The following URI1 variants were observed in gnomAD, a reference collection of about 807,000 sequenced individuals.
URI1 encodes unconventional prefoldin RPB5 interactor 1.
A neutral mutation model predicts 60.2 loss-of-function variants in URI1; 39 were observed. The observed-to-expected ratio is 0.65, with a 90% CI of 0.50 to 0.85. The LOEUF is 0.85. Among genes scored for constraint, URI1 ranks in the 40% least tolerant of loss-of-function variants. The pLI, the probability that URI1 is intolerant of heterozygous loss-of-function variation, is 0.00. For missense variants in URI1, 691 were observed against 665.9 expected (o/e 1.04, Z -0.42); for synonymous variants, 251 against 236.8 (o/e 1.06, Z -0.55).
At chr19:29,964,460 T>G (rs2055365441) in intron 1 of URI1, among the ~76,000 whole-genome samples, 1 of 142,350 alleles carries the variant, frequency 7.0e-6, no homozygotes, top group Non-Finnish European at 1.5e-5. Context: ...TTGTTTTTTG[T>G]TTTGTTTTTT....
At chr19:30,010,099 G>A (rs1477924765) in intron 8 of URI1, among the ~76,000 whole-genome samples, 4 of 152,074 alleles carry the variant, frequency 2.6e-5, no homozygotes, top group East Asian at 3.9e-4. Context: ...CGTCTAATTC[G>A]TCTTTCTCAG....
Position 30,013,229 on chromosome 19 carries a change from G to T in URI1, c.1425+698G>T, listed in dbSNP as rs78577529. Among the ~76,000 whole-genome samples the T allele has an allele frequency of 3.5e-3, 529 of 152,196 alleles. 5 individuals are homozygous for T. Among genetic ancestry groups the T allele is most frequent in the African/African-American group, 0.012 (514 of 41,520 alleles). ...ATTTAAAAAGTATTTAGGAAGATTG[G>T]GGAACCCATGCCTGGATCAAACCAG... On this transcript the variant is annotated intron_variant, in intron 10 of 10. Coordinates refer to ENST00000392271, the MANE Select transcript of URI1 (RefSeq NM_003796.3).
chr19:29,936,757 C>G (rs998897938), intron 1 of URI1, among the ~76,000 whole-genome samples: 1 of 151,754 alleles, frequency 6.6e-6, no homozygotes, highest in Non-Finnish European at 1.5e-5. Context: ...TTCATTTTTC[C>G]TTTTCTTTTT....
At chr19:30,010,371 A>AG (rs1456660163) in intron 8 of URI1, among the ~76,000 whole-genome samples, 2 of 152,336 alleles carry the variant, frequency 1.3e-5, no homozygotes, top group Admixed American at 1.3e-4. Flanking sequence ...GTCAGACTGA[A>AG]GGGGTCTTCC....
At chr19:29,980,922 CAAAAAAAAAAAA>C (rs5827686) in intron 2 of URI1, among the ~76,000 whole-genome samples, 23 of 68,598 alleles carry the variant, frequency 3.4e-4, no homozygotes, top group Non-Finnish European at 6.8e-4. Flanking sequence ...ACTCCATCTC[CAAAAAAAAAAAA>C]AAAAAAAAAA....
chr19:29,964,331 A>T (rs561185219), intron 1 of URI1, among the ~76,000 whole-genome samples: 1 of 151,898 alleles, frequency 6.6e-6, no homozygotes, highest in South Asian at 2.1e-4. Context: ...TTTTTGTCCT[A>T]CTTGGAGGTA....
At chr19:29,952,782 C>T (rs961952584) in intron 1 of URI1, among the ~76,000 whole-genome samples, 2 of 152,192 alleles carry the variant, frequency 1.3e-5, no homozygotes, top group African/African-American at 2.4e-5. Context: ...ATTACATTCA[C>T]TGTTAGGTAA....
intron 3 of URI1, among the ~76,000 whole-genome samples, chr19:29,985,889 C>T (rs2055662264): frequency 6.6e-6 from 1 of 152,132 alleles, no homozygotes; most frequent in Non-Finnish European, 1.5e-5. Context: ...GCAAAAGTGT[C>T]TACTTTATTG....
intron 6 of URI1, among the ~76,000 whole-genome samples, chr19:30,007,065 T>G (rs2055952598): frequency 6.6e-6 from 1 of 152,140 alleles, no homozygotes; most frequent in Non-Finnish European, 1.5e-5. Context: ...GTAAGGATGG[T>G]AAATGGAAAT....
chr19:29,956,897 C>T, intron 1 of URI1: 2 of 1,279,848 alleles, frequency 1.6e-6, no homozygotes, highest in African/African-American at 1.5e-5. Context: ...CAGGGTTCCT[C>T]TGGGGCCCTT....
intron 1 of URI1, among the ~76,000 whole-genome samples, chr19:29,924,176 C>T (rs977974347): frequency 2.0e-5 from 3 of 152,106 alleles, no homozygotes; most frequent in Non-Finnish European, 4.4e-5. Flanking sequence ...GTTTTTTACT[C>T]GGTCTACTGA....
At chr19:29,959,343 G>A (rs1158117748) in intron 1 of URI1, among the ~76,000 whole-genome samples, 1 of 152,108 alleles carries the variant, frequency 6.6e-6, no homozygotes, top group Non-Finnish European at 1.5e-5. Context: ...GCCCAGGCTG[G>A]TCTTGAACTT....
intron 1 of URI1, among the ~76,000 whole-genome samples, chr19:29,963,416 C>T (rs1416501672): frequency 6.6e-6 from 1 of 151,956 alleles, no homozygotes; most frequent in Non-Finnish European, 1.5e-5. Flanking sequence ...TTTGGTTCTT[C>T]AGTTGTACAA....
chr19:29,977,008 A>C (rs2055531329), intron 2 of URI1, among the ~76,000 whole-genome samples: 1 of 152,138 alleles, frequency 6.6e-6, no homozygotes, highest in Admixed American at 6.5e-5. Flanking sequence ...GGACAAAAAT[A>C]ATTGTTCAGA....
At chr19:30,002,832 T>G (rs914914824) in intron 4 of URI1, among the ~76,000 whole-genome samples, 1 of 152,028 alleles carries the variant, frequency 6.6e-6, no homozygotes, top group East Asian at 1.9e-4. Flanking sequence ...AGATATTGTC[T>G]ATATCACAAA....
chr19:29,941,238 G>C (rs1425268459), upstream of URI1, among the ~76,000 whole-genome samples: 1 of 152,122 alleles, frequency 6.6e-6, no homozygotes, highest in African/African-American at 2.4e-5. Context: ...AGCAGATAAG[G>C]CAAGGCCACT....
At chr19:29,959,228 G>A (rs2055290721) in intron 1 of URI1, among the ~76,000 whole-genome samples, 1 of 152,142 alleles carries the variant, frequency 6.6e-6, no homozygotes. Flanking sequence ...AGGCTCAGGT[G>A]ATCCTCTCGC....
chr19:30,009,253 A>C lies in URI1; in HGVS notation c.935A>C (p.Asn312Thr). 1 of 1,613,716 alleles carries C rather than the reference A, an allele frequency of 6.2e-7. No individual in the cohort carries two copies. The highest frequency in any genetic ancestry group is 8.5e-7 in the Non-Finnish European group (1 of 1,179,776). Residue 312 changes from asparagine to threonine, a missense_variant, in exon 8 of 11, where the codon AAC (asparagine) becomes ACC (threonine). Coordinates refer to ENST00000392271, the MANE Select transcript of URI1 (RefSeq NM_003796.3). Reference protein sequence around the residue: ...DDDDDDDDDDNIDDDDGDNDH... With the variant: ...DDDDDDDDDDTIDDDDGDNDH... The stretch of plus-strand genomic sequence containing the variant: ...GATGATGATGACGACGACGACGACA[A>C]CATTGACGACGATGATGGTGATAAC...
At chr19:29,977,961 G>A (rs1048601431) in intron 2 of URI1, among the ~76,000 whole-genome samples, 3 of 152,134 alleles carry the variant, frequency 2.0e-5, no homozygotes, top group Non-Finnish European at 4.4e-5. Context: ...ACTCATAATT[G>A]TAAAGAGAAG....
Sources: allele counts gnomAD v4.1 joint callset (sites outside exome capture counted in the v4.1 genomes callset), GRCh38; gene constraint gnomAD v4.1.1; transcripts MANE v1.5; gene names NCBI Gene and HGNC (gene_info 2026-07-23, HGNC 2026-07-21).